The following PAPPA2 variants were observed in gnomAD, a reference collection of about 807,000 sequenced individuals.
The protein encoded by PAPPA2 is pappalysin-2.
PAPPA2 carries 86 observed loss-of-function variants against 176.4 expected under a neutral mutation model. The ratio of observed to expected loss-of-function variants is 0.49; its 90% CI spans 0.41 to 0.58. The LOEUF is 0.58. Among genes scored for constraint, PAPPA2 ranks in the 20% least tolerant of loss-of-function variants. The pLI, the probability that PAPPA2 is intolerant of heterozygous loss-of-function variation, is 0.00. For synonymous variants in PAPPA2, 809 were observed against 852.2 expected, an observed-to-expected ratio of 0.95 and a Z score of 0.88; for missense variants, 2,073 against 2,256.9, an observed-to-expected ratio of 0.92 and a Z score of 1.65.
At chr1:176,633,337 C>T (rs149950702) in intron 3 of PAPPA2, among the ~76,000 whole-genome samples, 1 of 152,250 alleles carries the variant, frequency 6.6e-6, no homozygotes, top group African/African-American at 2.4e-5. Context: ...AGCAAGACCT[C>T]AGAGGATCAA....
At chr1:176,524,365 C>A (rs540502619) in intron 1 of PAPPA2, among the ~76,000 whole-genome samples, 1 of 152,276 alleles carries the variant, frequency 6.6e-6, no homozygotes, top group Non-Finnish European at 1.5e-5. Context: ...CATGGGCCAG[C>A]CCTCAGGTCA....
intron 16 of PAPPA2, 104 bp downstream of exon 16, chr1:176,769,888 C>G: frequency 8.1e-7 from 1 of 1,233,370 alleles, no homozygotes; most frequent in East Asian, 2.5e-5. Flanking sequence ...TTCCTATTTG[C>G]TCCACTGTGT....
chr1:176,623,158 C>T (rs1655688935), intron 3 of PAPPA2, among the ~76,000 whole-genome samples: 1 of 152,158 alleles, frequency 6.6e-6, no homozygotes, highest in African/African-American at 2.4e-5. Flanking sequence ...TCACTGACTA[C>T]CAGCTCAACA....
chr1:176,475,171 C>A (rs576409075), intron 1 of PAPPA2, among the ~76,000 whole-genome samples: 1 of 152,074 alleles, frequency 6.6e-6, no homozygotes, highest in South Asian at 2.1e-4. Flanking sequence ...TCCTGGGGTA[C>A]GTGGCTCATC....
chr1:176,545,126 G>T (rs1281609632), intron 1 of PAPPA2, among the ~76,000 whole-genome samples: 2 of 152,068 alleles, frequency 1.3e-5, no homozygotes, highest in African/African-American at 2.4e-5. Flanking sequence ...AAGTCAAAGA[G>T]GTGAGGCTGA....
intron 1 of PAPPA2, among the ~76,000 whole-genome samples, chr1:176,520,023 T>G (rs937704425): frequency 2.0e-5 from 3 of 152,174 alleles, no homozygotes; most frequent in Non-Finnish European, 4.4e-5. Context: ...GGGACAGTCC[T>G]TGGGGCAAAG....
chr1:176,738,854 C>A (rs1435273136), intron 12 of PAPPA2, among the ~76,000 whole-genome samples: 1 of 150,456 alleles, frequency 6.6e-6, no homozygotes, highest in Admixed American at 6.6e-5. Context: ...CTTTTTTTTT[C>A]TATCAAAGGA....
At chr1:176,623,576 CTCCTTCCT>C (rs200667738) in intron 3 of PAPPA2, among the ~76,000 whole-genome samples, 29,073 of 83,076 alleles carry the variant, frequency 0.35, 5,427 homozygotes, top group East Asian at 0.49. Flanking sequence ...CCTTCCTTCC[CTCCTTCCT>C]TCCTTCCTTC....
chr1:176,525,259 A>T (rs1222778729), intron 1 of PAPPA2, among the ~76,000 whole-genome samples: 1 of 152,210 alleles, frequency 6.6e-6, no homozygotes, highest in Non-Finnish European at 1.5e-5. Context: ...TCAGTTGAGC[A>T]AGACTCTTCT....
rs1319924352 is a variant in PAPPA2 at position 176,555,863 on chromosome 1, A to C, written c.-460A>C. 13 of 157,066 alleles carry C rather than the reference A, an allele frequency of 8.3e-5. No homozygotes were observed. Among genetic ancestry groups the C allele is most frequent in the Non-Finnish European group, 1.4e-5 (1 of 71,604 alleles). 9.7% of individuals were successfully genotyped at this position (157,066 alleles called of 1,614,324 possible). On this transcript the variant is annotated 5_prime_UTR_variant, in exon 2 of 23. Coordinates refer to ENST00000367662, the MANE Select transcript of PAPPA2 (RefSeq NM_020318.3). Reference sequence around the variant, plus strand: ...GAATAAGATTATTTTGAATGACTTCAGGTAGCGAGGAGTGTGTGTTTGTGA... The same window carrying C: ...GAATAAGATTATTTTGAATGACTTCCGGTAGCGAGGAGTGTGTGTTTGTGA...
intron 1 of PAPPA2, among the ~76,000 whole-genome samples, chr1:176,501,294 C>T (rs1054318078): frequency 7.2e-5 from 11 of 152,000 alleles, no homozygotes; most frequent in South Asian, 2.1e-4. Flanking sequence ...TTAGTTATCA[C>T]GTTTAACAAT....
intron 14 of PAPPA2, among the ~76,000 whole-genome samples, chr1:176,764,692 G>A (rs1254519825): frequency 6.6e-6 from 1 of 151,890 alleles, no homozygotes; most frequent in Non-Finnish European, 1.5e-5. Context: ...CGCCTCCCGG[G>A]TTCACGCCAT....
At chr1:176,600,761 A>G (rs2102660157) in intron 3 of PAPPA2, among the ~76,000 whole-genome samples, 1 of 152,216 alleles carries the variant, frequency 6.6e-6, no homozygotes, top group Admixed American at 6.5e-5. Flanking sequence ...ACTTTGAGAA[A>G]TGCTTTGCGA....
At chr1:176,808,961 G>A (rs1666025945) in intron 21 of PAPPA2, among the ~76,000 whole-genome samples, 1 of 152,100 alleles carries the variant, frequency 6.6e-6, no homozygotes, top group African/African-American at 2.4e-5. Context: ...AATATAATGG[G>A]CTTAAAATAC....
chr1:176,537,907 T>A (rs1020987888), intron 1 of PAPPA2, among the ~76,000 whole-genome samples: 8 of 152,106 alleles, frequency 5.3e-5, no homozygotes, highest in Non-Finnish European at 1.0e-4. Flanking sequence ...CATAATTTAA[T>A]CTCATGTTTC....
At chr1:176,678,065 A>G (rs1012214575) in intron 4 of PAPPA2, among the ~76,000 whole-genome samples, 11 of 152,290 alleles carry the variant, frequency 7.2e-5, no homozygotes, top group Middle Eastern at 6.8e-3. Context: ...AAGGATAAGC[A>G]GGAGTTTGCT....
intron 1 of PAPPA2, among the ~76,000 whole-genome samples, chr1:176,467,410 A>C (rs1431201117): frequency 6.6e-6 from 1 of 152,142 alleles, no homozygotes; most frequent in African/African-American, 2.4e-5. Flanking sequence ...GGCATGTTGC[A>C]TTTGTTGGAA....
intron 12 of PAPPA2, among the ~76,000 whole-genome samples, chr1:176,712,184 T>C (rs1661179053): frequency 6.6e-6 from 1 of 152,146 alleles, no homozygotes; most frequent in Non-Finnish European, 1.5e-5. Context: ...GTAATCAGTT[T>C]ATCAAAGTGT....
chr1:176,571,833 G>A (rs1230106559), intron 2 of PAPPA2, among the ~76,000 whole-genome samples: 1 of 152,178 alleles, frequency 6.6e-6, no homozygotes, highest in Non-Finnish European at 1.5e-5. Flanking sequence ...TTCAAAAGAA[G>A]AATCCAGTAG....
Sources: allele counts gnomAD v4.1 joint callset (sites outside exome capture counted in the v4.1 genomes callset), GRCh38; gene constraint gnomAD v4.1.1; transcripts MANE v1.5; gene names NCBI Gene and HGNC (gene_info 2026-07-23, HGNC 2026-07-21).